NCOR2: variants seen among roughly 807,000 people sequenced by gnomAD.
NCOR2 encodes the protein nuclear receptor corepressor 2.
Under a neutral mutation model 262.9 loss-of-function variants are expected in NCOR2, and 81 were observed. That is an observed-to-expected ratio of 0.31 (90% CI 0.26 to 0.37). The LOEUF (loss-of-function observed/expected upper bound fraction) is 0.37, where lower values mean the gene tolerates loss of function less well. Ranked by LOEUF, NCOR2 falls within the 10% of genes least tolerant of loss-of-function variation. The probability of loss-of-function intolerance (pLI) is 1.00; values close to 1 mark genes in which losing one functional copy is unlikely to be tolerated. For missense variants in NCOR2, 3,385 were observed against 3,621.4 expected (o/e 0.93, Z 1.68); for synonymous variants, 1,659 against 1,559.3 (o/e 1.06, Z -1.51).
intron 13 of NCOR2, among the ~76,000 whole-genome samples, chr12:124,414,206 T>G (rs1220277503): frequency 1.3e-5 from 2 of 152,214 alleles, no homozygotes; most frequent in African/African-American, 4.8e-5. Context: ...CCGGGCTGCA[T>G]GTGCCAGGCT....
chr12:124,439,248 C>CAG (rs2044645497), intron 7 of NCOR2, among the ~76,000 whole-genome samples: 1 of 144,748 alleles, frequency 6.9e-6, no homozygotes, highest in Non-Finnish European at 1.5e-5. Context: ...GACAGAGACC[C>CAG]AGAGAGAGAG....
At chr12:124,371,073 A>G (rs978418457) in intron 20 of NCOR2, among the ~76,000 whole-genome samples, 1 of 152,068 alleles carries the variant, frequency 6.6e-6, no homozygotes, top group Admixed American at 6.6e-5. Flanking sequence ...CTCCCAGCAA[A>G]TCCCCCACAT....
At chr12:124,479,454 TACACACAC>T (rs144568176) in intron 3 of NCOR2, among the ~76,000 whole-genome samples, 1 of 143,390 alleles carries the variant, frequency 7.0e-6, no homozygotes, top group Non-Finnish European at 1.5e-5. Context: ...CACACACGCA[TACACACAC>T]ACACACAAAC....
At chr12:124,524,244 GAAA>G (rs1206513705) in intron 1 of NCOR2, among the ~76,000 whole-genome samples, 1 of 152,148 alleles carries the variant, frequency 6.6e-6, no homozygotes, top group Non-Finnish European at 1.5e-5. Context: ...GCTTCTCTTG[GAAA>G]ACCATCAGAA....
chr12:124,363,624 A>C, intron 21 of NCOR2, 55 bp downstream of exon 23: 1 of 1,292,864 alleles, frequency 7.7e-7, no homozygotes, highest in Non-Finnish European at 9.9e-7. Flanking sequence ...GTCTCAATGA[A>C]TGGGAAAGTC....
At chr12:124,354,855 T>A in exon 25 of NCOR2, 1 of 1,612,712 alleles carries the variant, frequency 6.2e-7, no homozygotes, top group Non-Finnish European at 8.5e-7. Flanking sequence ...TTGGGGTCCA[T>A]GGGCAGGGGC....
chr12:124,325,382 C>CCT (rs1555297246), exon 47 of NCOR2: 8 of 412,980 alleles, frequency 1.9e-5, no homozygotes, highest in Non-Finnish European at 2.6e-5. Context: ...ACACCGCCCC[C>CCT]CCCCCCGCCC....
In NCOR2 at chr12:124,485,106, G is replaced by A. The variant is rs78583168; in HGVS notation, c.234-1333C>T. On this transcript the variant is annotated intron_variant, in intron 2 of 46. Coordinates refer to ENST00000405201, the Ensembl canonical transcript of NCOR2. Reference sequence around the variant, plus strand: ...CATTACATGGGGCTTGGCAGGAAGCGCATGGTGTTTTCTCTTAAACATGAT... The same window carrying A: ...CATTACATGGGGCTTGGCAGGAAGCACATGGTGTTTTCTCTTAAACATGAT... Among the ~76,000 whole-genome samples, 758 of 152,340 alleles carry A rather than the reference G, an allele frequency of 5.0e-3. 9 individuals carry two copies. Among genetic ancestry groups the A allele is most frequent in the African/African-American group, 0.018 (732 of 41,580 alleles).
chr12:124,397,494 A>G (rs574168102), intron 16 of NCOR2, among the ~76,000 whole-genome samples: 12 of 152,210 alleles, frequency 7.9e-5, no homozygotes, highest in African/African-American at 2.9e-4. Context: ...TCTGCTCGGG[A>G]TGGCTTCTGC....
At chr12:124,332,161 A>G in intron 43 of NCOR2, 158 bp downstream of exon 45, 3 of 870,710 alleles carry the variant, frequency 3.4e-6, no homozygotes, top group Non-Finnish European at 3.5e-6. Flanking sequence ...GGGCTCCCCA[A>G]ATGTGAGGCA....
At position 124,440,921 on chromosome 12, in the gene NCOR2, T is replaced by C. The variant is rs1360275312; in HGVS notation, c.816-2925A>G. Among the ~76,000 whole-genome samples, 2 of 151,888 alleles carry C rather than the reference T, an allele frequency of 1.3e-5. No homozygotes were observed. Among genetic ancestry groups the C allele is most frequent in the Non-Finnish European group, 2.9e-5 (2 of 67,964 alleles). On this transcript the variant is annotated intron_variant, in intron 7 of 46. Coordinates refer to ENST00000405201, the Ensembl canonical transcript of NCOR2. The surrounding 1 kb of genome is among the most constrained non-coding windows in gnomAD (Gnocchi z 5.7). ...CCGCAGGAGACAGGAACAAACTCTG[T>C]GTATCGGAAGCACAGACAGAGGAAG...
upstream of NCOR2, among the ~76,000 whole-genome samples, chr12:124,537,335 G>A (rs1052322464): frequency 6.6e-6 from 1 of 152,198 alleles, no homozygotes; most frequent in Non-Finnish European, 1.5e-5. Flanking sequence ...CAGTCTCAAC[G>A]GACCTCTGGG....
intron 24 of NCOR2, 132 bp from the exon 27 acceptor site, chr12:124,355,071 C>T: frequency 1.3e-6 from 1 of 748,464 alleles, no homozygotes. Flanking sequence ...TGTGTGACGG[C>T]AGACAAGTCA....
chr12:124,397,201 G>T (rs936624739), intron 16 of NCOR2, among the ~76,000 whole-genome samples: 2 of 152,214 alleles, frequency 1.3e-5, no homozygotes, highest in South Asian at 4.1e-4. Context: ...TGCTGCCAGT[G>T]ATGCGCCAGC....
exon 47 of NCOR2, chr12:124,325,378 C>CCCCGGG: frequency 4.3e-6 from 1 of 232,296 alleles, no homozygotes; most frequent in Non-Finnish European, 6.5e-6. Context: ...CCTGACACCG[C>CCCCGGG]CCCCCCCCCC....
Position 124,443,702 on chromosome 12 carries a change from T to A in NCOR2, c.816-5706A>T, listed in dbSNP as rs2044971874. On this transcript the variant is annotated intron_variant, in intron 7 of 46. Coordinates refer to ENST00000405201, the Ensembl canonical transcript of NCOR2. This position sits in a 1 kb window ranked among gnomAD's most constrained non-coding sequence, Gnocchi z 4.4. The stretch of plus-strand genomic sequence containing the variant: ...ATTTTTAGTAGAGACGGGGTTTCAC[T>A]ATATTGGCCAGGCTGATCTCAAACT... Among the ~76,000 whole-genome samples, 1 of 151,974 alleles carries A rather than the reference T, an allele frequency of 6.6e-6. No homozygotes were observed. Among genetic ancestry groups the A allele is most frequent in the Non-Finnish European group, 1.5e-5 (1 of 67,986 alleles).
rs570200193 is a variant in NCOR2, at chr12:124,332,790, C to A, written c.6756-323G>T. Among the ~76,000 whole-genome samples, 3 of 152,240 alleles carry A rather than the reference C, an allele frequency of 2.0e-5. No homozygotes were observed. In the South Asian group the frequency reaches 6.2e-4, roughly 32 times the overall value. The stretch of plus-strand genomic sequence containing the variant: ...CATGCCCTTCCCCAGGGGCAGCGGG[C>A]CCAGCTTCCTTCTCAGGTCCCACCT... On this transcript the variant is annotated intron_variant, in intron 42 of 46. Transcript: ENST00000405201.
At chr12:124,469,257 AG>A (rs1453504561) in intron 4 of NCOR2, among the ~76,000 whole-genome samples, 1 of 152,146 alleles carries the variant, frequency 6.6e-6, no homozygotes, top group African/African-American at 2.4e-5. Context: ...AGAGCAGATC[AG>A]TATGAACCCA....
intron 4 of NCOR2, among the ~76,000 whole-genome samples, chr12:124,471,784 C>T (rs2046845676): frequency 6.6e-6 from 1 of 152,226 alleles, no homozygotes; most frequent in Non-Finnish European, 1.5e-5. Flanking sequence ...CCACGCTGGT[C>T]TCAAACTCCC....
Sources: allele counts gnomAD v4.1 joint callset (sites outside exome capture counted in the v4.1 genomes callset), GRCh38; gene constraint gnomAD v4.1.1; non-coding constraint Gnocchi (gnomAD v3.1); transcripts MANE v1.5; gene names NCBI Gene and HGNC (gene_info 2026-07-23, HGNC 2026-07-21).